Variants in FRMD6 observed in about 807,000 individuals in gnomAD.
The protein encoded by FRMD6 is FERM domain-containing protein 6.
Under a neutral mutation model 73.2 loss-of-function variants are expected in FRMD6, and 37 were observed. The observed-to-expected ratio is 0.51, with a 90% confidence interval of 0.39 to 0.66. The LOEUF (loss-of-function observed/expected upper bound fraction) is 0.66, where lower values mean the gene tolerates loss of function less well. FRMD6 is among the 30% of genes least tolerant of loss of function. The pLI is 0.00. For synonymous variants in FRMD6, 273 were observed against 282.2 expected, an observed-to-expected ratio of 0.97 and a Z score of 0.33; for missense variants, 714 against 780.5, an observed-to-expected ratio of 0.91 and a Z score of 1.02.
At chr14:51,500,383 C>T (rs906060970) in intron 1 of FRMD6, among the ~76,000 whole-genome samples, 4 of 151,960 alleles carry the variant, frequency 2.6e-5, no homozygotes, top group African/African-American at 9.7e-5. Context: ...ACAAATTAGC[C>T]AGGCGTGGTG....
the FRMD6 span, among the ~76,000 whole-genome samples, chr14:51,450,046 G>A: frequency 2.6e-5 from 4 of 152,186 alleles, no homozygotes; most frequent in Non-Finnish European, 5.9e-5. Flanking sequence ...AGATGTCTCT[G>A]TGCATGTGAT....
At chr14:51,631,958 T>G (rs1287898356) in intron 2 of FRMD6, among the ~76,000 whole-genome samples, 1 of 152,222 alleles carries the variant, frequency 6.6e-6, no homozygotes, top group Non-Finnish European at 1.5e-5. Context: ...AGTGATATGA[T>G]TTGGCTGTGT....
chr14:51,500,412 A>G (rs1228547262), intron 1 of FRMD6, among the ~76,000 whole-genome samples: 2 of 152,114 alleles, frequency 1.3e-5, no homozygotes, highest in Admixed American at 1.3e-4. Context: ...CTGTAATCCC[A>G]GCTACTCAGG....
At chr14:51,599,664 C>T (rs1365825936) in intron 2 of FRMD6, among the ~76,000 whole-genome samples, 5 of 152,044 alleles carry the variant, frequency 3.3e-5, no homozygotes, top group Admixed American at 6.6e-5. Flanking sequence ...CAATTAACCT[C>T]ATTAAAAAGT....
chr14:51,523,012 G>A (rs1032496987), intron 1 of FRMD6: 13 of 152,090 alleles, frequency 8.5e-5, no homozygotes, highest in Admixed American at 8.5e-4. Flanking sequence ...ATTAAAATCT[G>A]TATGGAAATA....
chr14:51,697,273 C>T (rs1428430533), intron 2 of FRMD6, among the ~76,000 whole-genome samples: 1 of 151,982 alleles, frequency 6.6e-6, no homozygotes, highest in Non-Finnish European at 1.5e-5. Context: ...TAAGTGTGCA[C>T]CAGTGGATAA....
chr14:51,730,132 C>T lies in FRMD6; in HGVS notation c.*2103C>T, dbSNP rs1065491. On this transcript the variant is annotated 3_prime_UTR_variant, in exon 14 of 14. Coordinates refer to ENST00000344768, the MANE Select transcript of FRMD6 (RefSeq NM_001267046.2). Reference sequence around the variant, plus strand: ...TTTCTTGCAAACATTTAAAAAAAGACATATTTAAGAAAGAAAGATAAAGAA... The same window carrying T: ...TTTCTTGCAAACATTTAAAAAAAGATATATTTAAGAAAGAAAGATAAAGAA... The T allele has an allele frequency of 6.6e-6, 1 of 152,102 alleles. No homozygotes were observed. Among genetic ancestry groups the T allele is most frequent in the South Asian group, 2.1e-4 (1 of 4,824 alleles). 9.4% of individuals were successfully genotyped at this position (152,102 alleles called of 1,614,324 possible).
At chr14:51,427,059 T>A in the FRMD6 span, among the ~76,000 whole-genome samples, 1 of 152,214 alleles carries the variant, frequency 6.6e-6, no homozygotes, top group Admixed American at 6.5e-5. Context: ...CTAAGTCCTA[T>A]TGAAATGGTA....
the FRMD6 span, among the ~76,000 whole-genome samples, chr14:51,397,602 C>G: frequency 6.6e-6 from 1 of 152,064 alleles, no homozygotes; most frequent in African/African-American, 2.4e-5. Flanking sequence ...GTACTTTGTA[C>G]CTGCTTTGTT....
chr14:51,600,341 C>T (rs980026987), intron 2 of FRMD6, among the ~76,000 whole-genome samples: 1 of 152,124 alleles, frequency 6.6e-6, no homozygotes, highest in African/African-American at 2.4e-5. Context: ...TATTTATCAA[C>T]AGGAATTCAG....
chr14:51,701,374 GTATA>G (rs1238378039), intron 4 of FRMD6, among the ~76,000 whole-genome samples: 3 of 142,130 alleles, frequency 2.1e-5, no homozygotes, highest in African/African-American at 5.2e-5. Flanking sequence ...TATATGCTGA[GTATA>G]TATATAGTAG....
the FRMD6 span, among the ~76,000 whole-genome samples, chr14:51,424,891 A>G: frequency 1.3e-5 from 2 of 152,216 alleles, no homozygotes; most frequent in African/African-American, 4.8e-5. Context: ...ATTTCTCCAG[A>G]TCAACTCCCT....
intron 2 of FRMD6, among the ~76,000 whole-genome samples, chr14:51,594,334 A>ATTTT (rs1306077129): frequency 6.8e-5 from 10 of 146,670 alleles, no homozygotes; most frequent in African/African-American, 2.3e-4. Context: ...TTATTTATTT[A>ATTTT]TTTATTTTTT....
chr14:51,665,810 A>C (rs764589619), intron 1 of FRMD6, among the ~76,000 whole-genome samples: 14 of 152,266 alleles, frequency 9.2e-5, no homozygotes, highest in Non-Finnish European at 1.9e-4. Flanking sequence ...GATAATGATT[A>C]AGTCTCACAA....
intron 8 of FRMD6, among the ~76,000 whole-genome samples, chr14:51,712,047 G>C (rs1316060527): frequency 6.6e-6 from 1 of 152,156 alleles, no homozygotes; most frequent in Non-Finnish European, 1.5e-5. Flanking sequence ...AGTAGAAACT[G>C]TCACCTTTTA....
intron 2 of FRMD6, among the ~76,000 whole-genome samples, chr14:51,644,192 A>C (rs1891944837): frequency 6.6e-6 from 1 of 152,204 alleles, no homozygotes; most frequent in Non-Finnish European, 1.5e-5. Flanking sequence ...CATTACGTGA[A>C]CTGAGTGATA....
chr14:51,654,947 A>C (rs141668953), intron 1 of FRMD6, among the ~76,000 whole-genome samples: 1 of 152,292 alleles, frequency 6.6e-6, no homozygotes, highest in Non-Finnish European at 1.5e-5. Flanking sequence ...TTTCTTTCAT[A>C]AGTGGGAAAA....
the FRMD6 span, among the ~76,000 whole-genome samples, chr14:51,461,718 A>G: frequency 6.6e-6 from 1 of 152,234 alleles, no homozygotes; most frequent in Non-Finnish European, 1.5e-5. Flanking sequence ...TTTGCTGGTC[A>G]ATGTAAGAAT....
the FRMD6 span, among the ~76,000 whole-genome samples, chr14:51,434,662 T>C: frequency 6.6e-6 from 1 of 152,302 alleles, no homozygotes; most frequent in Admixed American, 6.5e-5. Flanking sequence ...TAGCAATAAA[T>C]GTTCAGATAA....
Sources: gnomAD v4.1 joint callset for allele counts (sites outside exome capture counted in the v4.1 genomes callset) on GRCh38, gnomAD v4.1.1 for gene constraint, MANE v1.5 for transcripts, NCBI Gene and HGNC (gene_info 2026-07-23, HGNC 2026-07-21) for gene names.